Variants in SLMAP observed in about 807,000 individuals in gnomAD.
The protein encoded by SLMAP is sarcolemmal membrane-associated protein.
SLMAP carries 44 observed loss-of-function variants against 128.8 expected under a neutral mutation model. The ratio of observed to expected loss-of-function variants is 0.34; its 90% CI spans 0.27 to 0.44. The LOEUF (loss-of-function observed/expected upper bound fraction) is 0.44. SLMAP is among the 20% of genes least tolerant of loss of function. The pLI is 1.00. For synonymous variants in SLMAP, 327 were observed against 348.8 expected (o/e 0.94, Z 0.70); for missense variants, 787 against 985.3 (o/e 0.80, Z 2.69).
At chr3:57,825,177 T>C (rs530120235) in intron 2 of SLMAP, among the ~76,000 whole-genome samples, 3 of 152,218 alleles carry the variant, frequency 2.0e-5, no homozygotes, top group South Asian at 2.1e-4. Flanking sequence ...TAGGATCATG[T>C]CATCTGTGAA....
intron 8 of SLMAP, among the ~76,000 whole-genome samples, chr3:57,859,050 A>G (rs1000728020): frequency 6.6e-6 from 1 of 151,954 alleles, no homozygotes; most frequent in African/African-American, 2.4e-5. Flanking sequence ...CCTTCCATAC[A>G]CAGTGGCTCA....
chr3:57,901,213 A>C (rs1328210014), intron 17 of SLMAP: 1 of 152,184 alleles, frequency 6.6e-6, no homozygotes, highest in Non-Finnish European at 1.5e-5. Context: ...AAATCCTTTA[A>C]TTTCATTTAC....
intron 2 of SLMAP, among the ~76,000 whole-genome samples, chr3:57,784,749 G>C (rs2083743779): frequency 1.3e-5 from 2 of 152,162 alleles, no homozygotes; most frequent in South Asian, 4.1e-4. Context: ...TGTCTGCCAT[G>C]GTTCATGTGT....
At chr3:57,834,211 G>A (rs897453065) in intron 3 of SLMAP, among the ~76,000 whole-genome samples, 9 of 151,954 alleles carry the variant, frequency 5.9e-5, no homozygotes, top group African/African-American at 1.2e-4. Context: ...ATTAGAAAAC[G>A]AATAAGTAAA....
intron 17 of SLMAP, among the ~76,000 whole-genome samples, chr3:57,906,332 T>TTTC (rs1491216777): frequency 2.2e-5 from 3 of 136,952 alleles, no homozygotes; most frequent in East Asian, 2.2e-4. Flanking sequence ...TTTTTTTTTT[T>TTTC]AGAGACACAG....
At position 57,829,473 on chromosome 3, in the gene SLMAP, TA is replaced by T. The variant is rs35511155; in HGVS notation, c.199-1900del. ...CCACATTTCCCAAGAATATATTTAT[TA>T]AAAAAAAAACTCTCTTATACAATGT... On this transcript the variant is annotated intron_variant, in intron 2 of 24. Transcript: ENST00000671191. 2.5e-3 allele frequency among the ~76,000 whole-genome samples: 367 copies of T among 148,912 alleles called. 6 individuals are homozygous for T. The highest frequency in any genetic ancestry group is 0.021 in the Admixed American group (306 of 14,878).
chr3:57,928,678 C>A lies in SLMAP; in HGVS notation c.*1389C>A, dbSNP rs1052722176. The A allele has an allele frequency of 2.6e-5, 4 of 151,938 alleles. No homozygotes were observed. Among genetic ancestry groups the A allele is most frequent in the Non-Finnish European group, 4.4e-5 (3 of 67,992 alleles). The allele number at this position is 151,938 out of a possible 1,614,324, so 9.4% of individuals were successfully genotyped here. ...GTTAAATTTTTCAGTCAGTGAAGAC[C>A]GGGAGGGAATGTCAGTGAATTGGCT... On this transcript the variant is annotated 3_prime_UTR_variant, in exon 25 of 25. Coordinates refer to ENST00000671191, the MANE Select transcript of SLMAP (RefSeq NM_001377540.1).
At chr3:57,857,976 G>A in intron 7 of SLMAP, 112 bp from the exon 8 acceptor site, 1 of 914,310 alleles carries the variant, frequency 1.1e-6, no homozygotes, top group Non-Finnish European at 1.8e-6. Flanking sequence ...TACAGTGGAT[G>A]CTGGTCAGTT....
intron 8 of SLMAP, among the ~76,000 whole-genome samples, chr3:57,859,286 G>A (rs1032643826): frequency 2.8e-5 from 4 of 140,892 alleles, no homozygotes; most frequent in Admixed American, 7.5e-5. Flanking sequence ...TCGCACCTCT[G>A]AACTCCAGCC....
chr3:57,906,886 A>C (rs562861584), intron 17 of SLMAP, among the ~76,000 whole-genome samples: 15 of 152,018 alleles, frequency 9.9e-5, no homozygotes, highest in Admixed American at 2.0e-4. Context: ...GGTTTTAAAA[A>C]ATTAAAAAGC....
At chr3:57,843,775 CTTTTTTTT>C (rs775541858) in intron 4 of SLMAP, among the ~76,000 whole-genome samples, 3 of 77,126 alleles carry the variant, frequency 3.9e-5, no homozygotes, top group East Asian at 4.6e-4. Flanking sequence ...TCTTTTCTTT[CTTTTTTTT>C]TTTTTTTTTT....
intron 2 of SLMAP, among the ~76,000 whole-genome samples, chr3:57,820,314 A>C (rs2092384078): frequency 6.6e-6 from 1 of 152,200 alleles, no homozygotes; most frequent in Non-Finnish European, 1.5e-5. Context: ...TTTGATGTCT[A>C]AAAGATTGAG....
intron 22 of SLMAP, among the ~76,000 whole-genome samples, chr3:57,918,865 A>G (rs1427161220): frequency 6.6e-6 from 1 of 152,198 alleles, no homozygotes; most frequent in East Asian, 1.9e-4. Flanking sequence ...AAGCCCACAT[A>G]TGATTCTTTT....
intron 16 of SLMAP, 81 bp downstream of exon 16, chr3:57,896,672 A>G (rs1449375504): frequency 3.9e-6 from 5 of 1,276,872 alleles, no homozygotes; most frequent in Non-Finnish European, 4.3e-6. Flanking sequence ...TGGAGATTTC[A>G]AAGTATGTGT....
At chr3:57,823,181 C>T (rs1390370723) in intron 2 of SLMAP, among the ~76,000 whole-genome samples, 4 of 152,054 alleles carry the variant, frequency 2.6e-5, no homozygotes, top group Admixed American at 6.6e-5. Flanking sequence ...CAGACAAAAA[C>T]TTTATCTTTT....
chr3:57,860,643 C>T, intron 8 of SLMAP, 56 bp from the exon 9 acceptor site: 1 of 1,345,488 alleles, frequency 7.4e-7, no homozygotes, highest in Non-Finnish European at 1.0e-6. Context: ...TTTTTTCAAA[C>T]AATAAATGCT....
At chr3:57,927,251 G>C (rs751208023) in intron 24 of SLMAP, 45 bp from the exon 25 acceptor site, 2 of 1,299,578 alleles carry the variant, frequency 1.5e-6, no homozygotes, top group South Asian at 1.3e-5. Context: ...GGTATGAAAA[G>C]AGAGGGGAGA....
At chr3:57,811,925 T>C (rs2091047994) in intron 2 of SLMAP, among the ~76,000 whole-genome samples, 1 of 152,214 alleles carries the variant, frequency 6.6e-6, no homozygotes, top group African/African-American at 2.4e-5. Flanking sequence ...TTGGGTTCTT[T>C]GTTTTTTAGT....
At chr3:57,911,910 A>G (rs1191089802) in intron 19 of SLMAP, among the ~76,000 whole-genome samples, 1 of 141,972 alleles carries the variant, frequency 7.0e-6, no homozygotes, top group Non-Finnish European at 1.5e-5. Context: ...AATTCTACAC[A>G]TAGGATTCAC....
Sources: gnomAD v4.1 joint callset for allele counts (sites outside exome capture counted in the v4.1 genomes callset) on GRCh38, gnomAD v4.1.1 for gene constraint, MANE v1.5 for transcripts, NCBI Gene and HGNC (gene_info 2026-07-23, HGNC 2026-07-21) for gene names.